The following ERCC5 variants were observed in gnomAD, a reference collection of about 807,000 sequenced individuals.
ERCC5 encodes the protein DNA excision repair protein ERCC-5.
ERCC5 carries 68 observed loss-of-function variants against 105.6 expected under a neutral mutation model. The ratio of observed to expected loss-of-function variants is 0.64; its 90% CI spans 0.53 to 0.79. The LOEUF is 0.79. Among genes scored for constraint, ERCC5 ranks in the 30% least tolerant of loss-of-function variants. The pLI, the probability that ERCC5 is intolerant of heterozygous loss-of-function variation, is 0.00. For synonymous variants in ERCC5, 546 were observed against 526.2 expected (o/e 1.04, Z -0.51); for missense variants, 1,373 against 1,426.7 (o/e 0.96, Z 0.61).
chr13:102,871,761 A>G (rs182110309), intron 12 of ERCC5, among the ~76,000 whole-genome samples: 121 of 152,266 alleles, frequency 7.9e-4, no homozygotes, highest in East Asian at 2.3e-3. Context: ...GATTTGAGGT[A>G]AATAATACAG....
chr13:102,857,027 A>G (rs1324907301), intron 5 of ERCC5, among the ~76,000 whole-genome samples: 2 of 152,238 alleles, frequency 1.3e-5, no homozygotes, highest in African/African-American at 4.8e-5. Flanking sequence ...ACATATTTTC[A>G]TGAATAACAT....
intron 5 of ERCC5, among the ~76,000 whole-genome samples, chr13:102,857,199 G>A (rs949925811): frequency 3.9e-5 from 6 of 152,034 alleles, no homozygotes; most frequent in African/African-American, 1.4e-4. Flanking sequence ...CTAAAACCTC[G>A]AGATCCTTCA....
intron 13 of ERCC5, 45 bp from the exon 14 acceptor site, chr13:102,873,214 G>T (rs371621928): frequency 3.7e-5 from 60 of 1,610,898 alleles, no homozygotes; most frequent in Non-Finnish European, 4.9e-5. Flanking sequence ...TTTGTCACTT[G>T]TTTAAATATC....
At chr13:102,854,502 C>G (rs1882331549) in intron 4 of ERCC5, 128 bp downstream of exon 4, 6 of 868,654 alleles carry the variant, frequency 6.9e-6, no homozygotes, top group South Asian at 6.2e-5. Context: ...TAGGCATGCT[C>G]TATACCTTTC....
chr13:102,872,463 T>C (rs1032728443), intron 13 of ERCC5, 65 bp downstream of exon 13: 14 of 1,582,436 alleles, frequency 8.8e-6, no homozygotes, highest in Middle Eastern at 1.7e-4. Flanking sequence ...TTAAAACTTA[T>C]GGAAGAGAAA....
intron 11 of ERCC5, 23 bp from the exon 12 acceptor site, chr13:102,868,090 T>TA: frequency 6.8e-6 from 11 of 1,607,176 alleles, no homozygotes; most frequent in African/African-American, 1.3e-5. Context: ...TGATAAAAAT[T>TA]AAAAAATATT....
At chr13:102,854,999 G>C (rs1882357819) in intron 4 of ERCC5, among the ~76,000 whole-genome samples, 3 of 152,076 alleles carry the variant, frequency 2.0e-5, no homozygotes, top group Admixed American at 2.0e-4. Flanking sequence ...CCTTTCCCAG[G>C]AGTTCCCAAG....
intron 5 of ERCC5, 94 bp from the exon 6 acceptor site, chr13:102,858,181 G>C (rs1882493657): frequency 3.2e-6 from 5 of 1,543,102 alleles, no homozygotes; most frequent in Non-Finnish European, 4.4e-6. Context: ...GTAGAACTGT[G>C]TTTATTATAT....
At chr13:102,868,081 GA>G in intron 11 of ERCC5, 31 bp from the exon 12 acceptor site, 14 of 1,598,108 alleles carry the variant, frequency 8.8e-6, no homozygotes, top group Non-Finnish European at 1.2e-5. Flanking sequence ...AAGAAATCTT[GA>G]TAAAAATTAA....
rs1004481242 is a variant in ERCC5 at position 102,862,932 on chromosome 13, G to C, written c.1783G>C (p.Glu595Gln). Residue 595 changes from glutamate (E) to glutamine (Q), a missense_variant, in exon 8 of 15, where the codon GAG (glutamate) becomes CAG (glutamine). This residue lies in a region of ERCC5 where 1,004 missense variants were observed against 1,059.7 expected (regional missense o/e 0.95). Coordinates refer to ENST00000652225, the MANE Select transcript of ERCC5 (RefSeq NM_000123.4). ...ETSSIVSVPS[E>Q]AVDNVENVVS... is the part of the protein sequence containing the mutation. ...AAGTAGCATAGTAAGTGTCCCTTCA[G>C]AGGCAGTAGATAATGTGGAAAATGT... 3 of 1,614,122 alleles carry C rather than the reference G, an allele frequency of 1.9e-6. No individual in the cohort carries two copies. The Admixed American group carries it at 5.0e-5, about 27-fold the overall frequency.
At chr13:102,851,422 G>A (rs1882197913) in intron 1 of ERCC5, among the ~76,000 whole-genome samples, 1 of 152,148 alleles carries the variant, frequency 6.6e-6, no homozygotes, top group African/African-American at 2.4e-5. Context: ...AGCCTCCTGA[G>A]TAGCTGGGAC....
chr13:102,862,577 G>A lies in ERCC5; in HGVS notation c.1428G>A (p.Met476Ile), dbSNP rs1882673589. ...EPTDSVPKEQ[M>I]SLVHVGTEAF... The stretch of plus-strand genomic sequence containing the variant: ...CAGACTCAGTTCCAAAAGAACAAAT[G>A]TCACTTGTTCACGTGGGGACTGAAG... The change falls in exon 8 of 15, where the codon ATG (methionine) becomes ATA (isoleucine). Residue 476 changes from methionine (M) to isoleucine (I), a missense_variant. Met to Ile is a conservative substitution (Grantham distance 10). Around this residue, in one of 3 missense-constraint regions of ERCC5, gnomAD observed 1,004 missense variants for 1,059.7 expected, o/e 0.95. Transcript: ENST00000652225. The A allele has an allele frequency of 6.2e-7, 1 of 1,614,054 alleles. No individual in the cohort carries two copies. Among genetic ancestry groups the A allele is most frequent in the Admixed American group, 1.7e-5 (1 of 60,002 alleles).
Position 102,862,794 on chromosome 13 carries a change from C to T in ERCC5, c.1645C>T (p.Leu549Phe). The T allele has an allele frequency of 6.2e-7, 1 of 1,614,222 alleles. No homozygotes were observed. The highest frequency in any genetic ancestry group is 8.5e-7 in the Non-Finnish European group (1 of 1,180,030). ...TGAAGTGCTTGAGCAGCAGAACGAA[C>T]TTTGCCCATATGAGAGTAAATTCGA... Reference protein sequence around the residue: ...HAEVLEQQNELCPYESKFDSS... With the variant: ...HAEVLEQQNEFCPYESKFDSS... Residue 549 changes from leucine (L) to phenylalanine (F), a missense_variant, in exon 8 of 15, where the codon CTT (leucine) becomes TTT (phenylalanine). Leu to Phe is a conservative substitution (Grantham distance 22). Transcript: ENST00000652225.
intron 12 of ERCC5, among the ~76,000 whole-genome samples, chr13:102,869,815 T>C (rs1882975045): frequency 6.6e-6 from 1 of 152,244 alleles, no homozygotes; most frequent in South Asian, 2.1e-4. Flanking sequence ...TTGATAACTA[T>C]TGAGAGTGAA....
At chr13:102,872,439 A>G in intron 13 of ERCC5, 41 bp downstream of exon 13, 1 of 1,609,284 alleles carries the variant, frequency 6.2e-7, no homozygotes, top group Non-Finnish European at 8.5e-7. Flanking sequence ...CACCTTGTCA[A>G]ATATGTGTTT....
At position 102,866,642 on chromosome 13, in the gene ERCC5, GC is replaced by G. The variant is rs755595128; in HGVS notation, c.2332del (p.Leu778CysfsTer22). The G allele has an allele frequency of 6.2e-7, 1 of 1,613,222 alleles. No individual in the cohort carries two copies. The highest frequency in any genetic ancestry group is 1.3e-5 in the African/African-American group (1 of 74,924). ...QMFLESQELLRLFGIPYIQAP... is the reference protein window; with the variant it reads ...QMFLESQELLXLFGIPYIQAP... ...CCCCTCACTCTGCAGGAACTCCTGCGCCTGTTCGGCATTCCCTACATCCAGG... is the reference window on the plus strand; with the variant it reads ...CCCCTCACTCTGCAGGAACTCCTGCGCTGTTCGGCATTCCCTACATCCAGG... On this transcript the variant is annotated frameshift_variant, in exon 11 of 15. Transcript: ENST00000652225. LOFTEE classifies it high-confidence loss of function.
In ERCC5 at chr13:102,865,274, C is replaced by CT. The variant is rs1882791573; in HGVS notation, c.1955-390dup. ...AGGAAGAACTATTTCTTAGTCACAG[C>CT]TTTATTCTGTGCTGTGTAAATAGCA... On this transcript the variant is annotated intron_variant, in intron 8 of 14. Transcript: ENST00000652225. The surrounding 1 kb of genome is among the most constrained non-coding windows in gnomAD (Gnocchi z 4.0). 3.7e-6 allele frequency: 1 copy of CT among 272,784 alleles called. No homozygotes were observed. The highest frequency in any genetic ancestry group is 7.1e-6 in the Non-Finnish European group (1 of 140,132). The allele number at this position is 272,784 out of a possible 1,614,324, so 16.9% of individuals were successfully genotyped here. A position where few individuals can be genotyped will look rare whatever the true frequency, so the allele number is the denominator to read the frequency against.
chr13:102,875,930 AG>A lies in ERCC5; in HGVS notation c.*28del. On this transcript the variant is annotated 3_prime_UTR_variant, in exon 15 of 15. Coordinates refer to ENST00000652225, the MANE Select transcript of ERCC5 (RefSeq NM_000123.4). ...TAAAAAATATGTATCCTCTATAATT[AG>A]TTATGACAGCCATTTGTAATGAATT... is the stretch of plus-strand genomic sequence containing the variant. 1 of 1,597,368 alleles carries A rather than the reference AG, an allele frequency of 6.3e-7. No homozygotes were observed. The highest frequency in any genetic ancestry group is 1.1e-5 in the South Asian group (1 of 90,634).
Position 102,865,023 on chromosome 13 carries a change from C to T in ERCC5, c.1955-644C>T, listed in dbSNP as rs1882785514. 6.5e-6 allele frequency: 1 copy of T among 154,114 alleles called. No individual in the cohort carries two copies. Among genetic ancestry groups the T allele is most frequent in the Non-Finnish European group, 1.4e-5 (1 of 69,340 alleles). The allele number at this position is 154,114 out of a possible 1,614,324, so 9.5% of individuals were successfully genotyped here. Reference sequence around the variant, plus strand: ...GATATGTAACCATCTCCCCCTCCCACTGGCCTCCTCCTTGGCCCTGCTCTC... The same window carrying T: ...GATATGTAACCATCTCCCCCTCCCATTGGCCTCCTCCTTGGCCCTGCTCTC... On this transcript the variant is annotated intron_variant, in intron 8 of 14. Transcript: ENST00000652225. The surrounding 1 kb of genome is among the most constrained non-coding windows in gnomAD (Gnocchi z 4.0).
Sources: allele counts gnomAD v4.1 joint callset (sites outside exome capture counted in the v4.1 genomes callset), GRCh38; gene constraint gnomAD v4.1.1; regional missense constraint gnomAD v4.1.1; non-coding constraint Gnocchi (gnomAD v3.1); transcripts MANE v1.5; gene names NCBI Gene and HGNC (gene_info 2026-07-23, HGNC 2026-07-21).